Variants in ZNF652 observed in about 807,000 individuals in gnomAD.
The protein encoded by ZNF652 is zinc finger protein 652.
ZNF652 carries 16 observed loss-of-function variants against 45.2 expected under a neutral mutation model. The ratio of observed to expected loss-of-function variants is 0.35; its 90% CI spans 0.24 to 0.54. The LOEUF (loss-of-function observed/expected upper bound fraction) is 0.54, where lower values mean the gene tolerates loss of function less well. Among genes scored for constraint, ZNF652 ranks in the 20% least tolerant of loss-of-function variants. ZNF652 has a pLI of 0.91. For synonymous variants in ZNF652, 250 were observed against 260.6 expected, an observed-to-expected ratio of 0.96 and a Z score of 0.39; for missense variants, 614 against 765.6, an observed-to-expected ratio of 0.80 and a Z score of 2.34.
chr17:49,315,559 TAA>T (rs10542422), intron 2 of ZNF652, among the ~76,000 whole-genome samples: 21,008 of 143,354 alleles, frequency 0.15, 1,588 homozygotes, highest in African/African-American at 0.2. Context: ...AGACTTAAGT[TAA>T]AAAAAAAAAA....
At chr17:49,355,136 TTAAG>T (rs1207487984) in intron 1 of ZNF652, among the ~76,000 whole-genome samples, 5 of 152,200 alleles carry the variant, frequency 3.3e-5, no homozygotes, top group African/African-American at 1.2e-4. Context: ...ATGAACTATT[TTAAG>T]TAAGTTATTC....
chr17:49,361,341 A>T (rs2143165755), intron 1 of ZNF652: 1 of 152,276 alleles, frequency 6.6e-6, no homozygotes, highest in African/African-American at 2.4e-5. Flanking sequence ...TCTTCAGCAG[A>T]GCCTGATTGG....
At chr17:49,313,305 G>A (rs184467068) in intron 2 of ZNF652, among the ~76,000 whole-genome samples, 11 of 152,108 alleles carry the variant, frequency 7.2e-5, no homozygotes, top group African/African-American at 2.2e-4. Context: ...ACAGGTGGGC[G>A]TCACCATTCC....
chr17:49,341,475 C>T (rs903720229), intron 1 of ZNF652, among the ~76,000 whole-genome samples: 6 of 117,602 alleles, frequency 5.1e-5, no homozygotes, highest in Admixed American at 2.1e-4. Context: ...CAACATAGTA[C>T]GACCTCATCT....
At chr17:49,345,757 C>T (rs1475652704) in intron 1 of ZNF652, among the ~76,000 whole-genome samples, 10 of 149,880 alleles carry the variant, frequency 6.7e-5, no homozygotes, top group Admixed American at 2.0e-4. Context: ...AGGAGAATGG[C>T]GTGAACCCAG....
rs779042339 is a variant in ZNF652, at chr17:49,303,247, C to CTTTTTT, written c.1310-4329_1310-4324dup. 4.1e-5 allele frequency among the ~76,000 whole-genome samples: 5 copies of CTTTTTT among 121,784 alleles called. 1 individual carries two copies. Among genetic ancestry groups the CTTTTTT allele is most frequent in the African/African-American group, 3.3e-5 (1 of 30,124 alleles). 79.9% of individuals were successfully genotyped at this position (121,784 alleles called of 152,430 possible). On this transcript the variant is annotated intron_variant, in intron 5 of 5. Coordinates refer to ENST00000430262, the MANE Select transcript of ZNF652 (RefSeq NM_001145365.3). ...GTGATGTTTTATTCTTTACGCTTAT[C>CTTTTTT]TTTTTTTTTTTGAGACAGGGTCTCA...
intron 1 of ZNF652, among the ~76,000 whole-genome samples, chr17:49,359,927 AG>A (rs1005177689): frequency 6.6e-6 from 1 of 152,196 alleles, no homozygotes; most frequent in African/African-American, 2.4e-5. Flanking sequence ...TTCTTTTAAG[AG>A]ATCAGATCAA....
chr17:49,349,370 A>G (rs2070246074), intron 1 of ZNF652, among the ~76,000 whole-genome samples: 1 of 152,154 alleles, frequency 6.6e-6, no homozygotes, highest in African/African-American at 2.4e-5. Context: ...TTGCACTCCA[A>G]CCAGGGAAAC....
In ZNF652 at chr17:49,297,613, C is replaced by T. The variant is rs898330756; in HGVS notation, c.*800G>A. On this transcript the variant is annotated 3_prime_UTR_variant, in exon 6 of 6. Coordinates refer to ENST00000430262, the MANE Select transcript of ZNF652 (RefSeq NM_001145365.3). The stretch of plus-strand genomic sequence containing the variant: ...TTTGCAGTAACCTGGTCTGGAGACC[C>T]TCTCAGATACATCTAGTCTCTGAAG... 2.0e-5 allele frequency: 3 copies of T among 152,602 alleles called. No homozygotes were observed. Among genetic ancestry groups the T allele is most frequent in the Admixed American group, 2.0e-4 (3 of 15,280 alleles). 9.5% of individuals were successfully genotyped at this position (152,602 alleles called of 1,614,324 possible).
At chr17:49,345,360 G>A (rs1229074886) in intron 1 of ZNF652, among the ~76,000 whole-genome samples, 2 of 151,328 alleles carry the variant, frequency 1.3e-5, no homozygotes, top group Non-Finnish European at 2.9e-5. Context: ...GTTCCACTAG[G>A]CCCAGCTAAT....
chr17:49,354,434 GGCTTTAGCCACCAGCA>G (rs1294550627), intron 1 of ZNF652, among the ~76,000 whole-genome samples: 1 of 151,470 alleles, frequency 6.6e-6, no homozygotes, highest in Admixed American at 6.6e-5. Flanking sequence ...AAGATAATTT[GGCTTTAGCCACCAGCA>G]GACTATAAAT....
chr17:49,327,762 TATATATATATATATA>T (rs2069976696), intron 1 of ZNF652, among the ~76,000 whole-genome samples: 1 of 5,454 alleles, frequency 1.8e-4, no homozygotes, highest in African/African-American at 9.2e-4. Flanking sequence ...TATATATATA[TATATATATATATATA>T]TATTTTTTTT....
chr17:49,319,858 GTGGGACTGA>G (rs2069865442), intron 1 of ZNF652, among the ~76,000 whole-genome samples: 1 of 151,970 alleles, frequency 6.6e-6, no homozygotes, highest in South Asian at 2.1e-4. Context: ...ACCCAGGCTG[GTGGGACTGA>G]TTTTTAAATT....
At chr17:49,312,425 C>T (rs2069728470) in intron 3 of ZNF652, among the ~76,000 whole-genome samples, 1 of 152,100 alleles carries the variant, frequency 6.6e-6, no homozygotes, top group African/African-American at 2.4e-5. Context: ...CTCAGCCTCC[C>T]AAAGTGCTGG....
intron 1 of ZNF652, among the ~76,000 whole-genome samples, chr17:49,332,797 T>G (rs1217967514): frequency 6.6e-6 from 1 of 152,190 alleles, no homozygotes; most frequent in Non-Finnish European, 1.5e-5. Flanking sequence ...TATATTTACT[T>G]AGACAAAGTT....
upstream of ZNF652, chr17:49,362,362 C>A (rs1359124823): frequency 6.6e-6 from 1 of 151,798 alleles, no homozygotes; most frequent in East Asian, 1.9e-4. Context: ...GCATCCCGGC[C>A]GCTGGGAGCG....
chr17:49,354,238 T>C (rs1442974986), intron 1 of ZNF652, among the ~76,000 whole-genome samples: 1 of 151,994 alleles, frequency 6.6e-6, no homozygotes, highest in East Asian at 1.9e-4. Flanking sequence ...CCAAATTATA[T>C]TCTATTAGAG....
rs1235233210 is a variant in ZNF652 at position 49,350,997 on chromosome 17, A to C, written c.-259+10912T>G. ...TATATATATATATATATATATATAT[A>C]TATATATATATATATATACACACAC... is the stretch of plus-strand genomic sequence containing the variant. On this transcript the variant is annotated intron_variant, in intron 1 of 5. Coordinates refer to ENST00000430262, the MANE Select transcript of ZNF652 (RefSeq NM_001145365.3). 2.4e-3 allele frequency among the ~76,000 whole-genome samples: 51 copies of C among 21,218 alleles called. 3 individuals carry two copies. Among genetic ancestry groups the C allele is most frequent in the African/African-American group, 0.01 (49 of 4,814 alleles). 13.9% of individuals were successfully genotyped at this position (21,218 alleles called of 152,430 possible). A position where few individuals can be genotyped will look rare whatever the true frequency, so the allele number is the denominator to read the frequency against.
intron 1 of ZNF652, among the ~76,000 whole-genome samples, chr17:49,361,695 C>T (rs540164487): frequency 2.0e-5 from 3 of 152,126 alleles, no homozygotes; most frequent in South Asian, 4.1e-4. Flanking sequence ...AGGAGCGGGG[C>T]GCCCCCAGCC....
Sources: allele counts gnomAD v4.1 joint callset (sites outside exome capture counted in the v4.1 genomes callset), GRCh38; gene constraint gnomAD v4.1.1; transcripts MANE v1.5; gene names NCBI Gene and HGNC (gene_info 2026-07-23, HGNC 2026-07-21).